Variants in HHIPL1 observed in about 807,000 individuals in gnomAD.
The protein encoded by HHIPL1 is HHIP like 1.
HHIPL1 carries 43 observed loss-of-function variants against 61.8 expected under a neutral mutation model. The observed-to-expected ratio is 0.70, with a 90% CI of 0.55 to 0.90. HHIPL1 has a LOEUF of 0.90. Ranked by LOEUF, HHIPL1 falls within the 40% of genes least tolerant of loss-of-function variation. The probability of loss-of-function intolerance (pLI) is 0.00; values close to 1 mark genes in which losing one functional copy is unlikely to be tolerated. For missense variants in HHIPL1, 1,056 were observed against 1,157.7 expected (o/e 0.91, Z 1.28); for synonymous variants, 482 against 515.8 (o/e 0.93, Z 0.89).
At chr14:99,649,077 A>G (rs1224914991) in intron 1 of HHIPL1, among the ~76,000 whole-genome samples, 34 of 152,092 alleles carry the variant, frequency 2.2e-4, no homozygotes, top group Admixed American at 1.8e-3. Context: ...AGCAATCACT[A>G]TGTCTTCTTG....
upstream of HHIPL1, among the ~76,000 whole-genome samples, chr14:99,641,327 G>C (rs2055748707): frequency 6.6e-6 from 1 of 151,692 alleles, no homozygotes; most frequent in Non-Finnish European, 1.5e-5. Context: ...AGACTTCTAG[G>C]TTGATGGGTT....
At position 99,657,888 on chromosome 14, in the gene HHIPL1, C is replaced by T. The variant is rs994542041; in HGVS notation, c.1046+745C>T. On this transcript the variant is annotated intron_variant, in intron 3 of 8. Coordinates refer to ENST00000330710, the MANE Select transcript of HHIPL1 (RefSeq NM_001127258.3). ...ACACATATACACACACATCCACACA[C>T]ATCCACATACATCCACATGTACACA... Among the ~76,000 whole-genome samples the T allele has an allele frequency of 4.0e-5, 6 of 151,780 alleles. No individual in the cohort carries two copies. The South Asian group carries it at 1.0e-3, about 26-fold the overall frequency.
rs140546525 is a variant in HHIPL1, at chr14:99,660,334, G to A, written c.1430G>A (p.Gly477Glu). The change falls in exon 5 of 9, where the codon GGG becomes GAG. Residue 477 changes from glycine (G) to glutamate (E), a missense_variant. Gly to Glu is a moderately conservative substitution (Grantham distance 98). Coordinates refer to ENST00000330710, the MANE Select transcript of HHIPL1 (RefSeq NM_001127258.3). The surrounding 1 kb of genome is among the most constrained non-coding windows in gnomAD (Gnocchi z 4.9). Reference protein sequence around the residue: ...YPHTVGKSVTGGYVYRGCEYP... With the variant: ...YPHTVGKSVTEGYVYRGCEYP... Reference sequence around the variant, plus strand: ...CACACGGTTGGCAAGTCGGTCACAGGGGGCTACGTGTACCGGGGCTGCGAG... The same window carrying A: ...CACACGGTTGGCAAGTCGGTCACAGAGGGCTACGTGTACCGGGGCTGCGAG... The A allele has an allele frequency of 6.2e-7, 1 of 1,614,088 alleles. No individual in the cohort carries two copies. The highest frequency in any genetic ancestry group is 1.1e-5 in the South Asian group (1 of 91,076).
chr14:99,619,306 C>CA, the HHIPL1 span, among the ~76,000 whole-genome samples: 3 of 151,740 alleles, frequency 2.0e-5, no homozygotes, highest in African/African-American at 4.8e-5. Flanking sequence ...ACTAAAAATA[C>CA]AAAAAATTAG....
At chr14:99,619,461 C>CA in the HHIPL1 span, among the ~76,000 whole-genome samples, 997 of 106,656 alleles carry the variant, frequency 9.3e-3, 3 homozygotes, top group Middle Eastern at 0.019. Context: ...GACTCCATCT[C>CA]AAAAAAAAAA....
intron 5 of HHIPL1, among the ~76,000 whole-genome samples, chr14:99,661,586 G>C (rs1198097031): frequency 6.6e-6 from 1 of 152,022 alleles, no homozygotes; most frequent in Non-Finnish European, 1.5e-5. Context: ...TCCCACCTCA[G>C]CCTCCTGAAT....
At chr14:99,632,070 GC>G in the HHIPL1 span, among the ~76,000 whole-genome samples, 1 of 152,166 alleles carries the variant, frequency 6.6e-6, no homozygotes, top group Non-Finnish European at 1.5e-5. Context: ...CTAGCATCTG[GC>G]CCATCTACCA....
rs2056422391 is a variant in HHIPL1 at position 99,679,728 on chromosome 14, T to C, written c.*4102T>C. On this transcript the variant is annotated 3_prime_UTR_variant, in exon 9 of 9. Transcript: ENST00000330710. The stretch of plus-strand genomic sequence containing the variant: ...GCAGACGTGCATGGCACGTACACTC[T>C]AGGTTGCTTCCTAGACAGAAAGCTC... The C allele has an allele frequency of 6.6e-6, 1 of 152,224 alleles. No homozygotes were observed. The highest frequency in any genetic ancestry group is 1.5e-5 in the Non-Finnish European group (1 of 68,034). 9.4% of individuals were successfully genotyped at this position (152,224 alleles called of 1,614,324 possible).
intron 6 of HHIPL1, among the ~76,000 whole-genome samples, chr14:99,663,646 C>T (rs1396047411): frequency 6.6e-6 from 1 of 152,136 alleles, no homozygotes; most frequent in Non-Finnish European, 1.5e-5. Flanking sequence ...TTATTTTACC[C>T]AGCTCTTATT....
intron 1 of HHIPL1, among the ~76,000 whole-genome samples, chr14:99,651,991 C>T (rs926967256): frequency 6.6e-6 from 1 of 152,140 alleles, no homozygotes; most frequent in Non-Finnish European, 1.5e-5. Flanking sequence ...GTAGCTGCTG[C>T]TGTTGCTGCT....
the HHIPL1 span, among the ~76,000 whole-genome samples, chr14:99,610,980 C>T: frequency 6.6e-6 from 1 of 152,122 alleles, no homozygotes; most frequent in East Asian, 1.9e-4. Context: ...TGGCCTCCAC[C>T]CATTTGACGG....
rs71464624 is a variant in HHIPL1 at position 99,656,799 on chromosome 14, GAA to G, written c.903-199_903-198del. Among the ~76,000 whole-genome samples, 14 of 14,626 alleles carry G rather than the reference GAA, an allele frequency of 9.6e-4. 1 individual carries two copies. Among genetic ancestry groups the G allele is most frequent in the African/African-American group, 4.7e-3 (14 of 2,982 alleles). 9.6% of individuals were successfully genotyped at this position (14,626 alleles called of 152,430 possible). On this transcript the variant is annotated intron_variant, in intron 2 of 8. Coordinates refer to ENST00000330710, the MANE Select transcript of HHIPL1 (RefSeq NM_001127258.3). ...GCAAAAAGAAAAGAAAAGAAAGAAA[GAA>G]AGAAAGAAAGAAAGAAAGAAAGAAA...
chr14:99,645,527 G>C (rs2055818197), intron 1 of HHIPL1, 65 bp downstream of exon 1: 1 of 1,238,470 alleles, frequency 8.1e-7, no homozygotes, highest in Non-Finnish European at 1.0e-6. Flanking sequence ...AGCAGAGATC[G>C]GAACCCCGCG....
rs186605812 is a variant in HHIPL1 at position 99,674,383 on chromosome 14, C to T, written c.1814-708C>T. On this transcript the variant is annotated intron_variant, in intron 8 of 8. Coordinates refer to ENST00000330710, the MANE Select transcript of HHIPL1 (RefSeq NM_001127258.3). The stretch of plus-strand genomic sequence containing the variant: ...ATTCTGCAGAGACAAAGGAAATCAC[C>T]TGCCTCAGCTCCCTAGCACCGACTG... Among the ~76,000 whole-genome samples, 9 of 152,138 alleles carry T rather than the reference C, an allele frequency of 5.9e-5. No individual in the cohort carries two copies. In the East Asian group the frequency reaches 1.7e-3, roughly 29 times the overall value.
rs1327792601 is a variant in HHIPL1, at chr14:99,676,745, C to T, written c.*1119C>T. The T allele has an allele frequency of 6.6e-6, 1 of 152,282 alleles. No homozygotes were observed. The highest frequency in any genetic ancestry group is 1.5e-5 in the Non-Finnish European group (1 of 68,074). The allele number at this position is 152,282 out of a possible 1,614,324, so 9.4% of individuals were successfully genotyped here. On this transcript the variant is annotated 3_prime_UTR_variant, in exon 9 of 9. Transcript: ENST00000330710. ...GGGAACCAGGAGAAAGGGGTGAGGC[C>T]TCCCGCTTCCCACCTGCATCACAGG... is the stretch of plus-strand genomic sequence containing the variant.
chr14:99,647,667 G>A (rs926472064), intron 1 of HHIPL1, among the ~76,000 whole-genome samples: 14 of 152,358 alleles, frequency 9.2e-5, no homozygotes, highest in African/African-American at 3.4e-4. Context: ...GCCTCCTGGA[G>A]CATGCTGGCG....
In HHIPL1 at chr14:99,672,198, A is replaced by C. The variant is rs1205317542; in HGVS notation, c.1731-119A>C. The C allele has an allele frequency of 1.7e-5, 12 of 725,862 alleles. 1 individual carries two copies. In the East Asian group the frequency reaches 3.0e-4, roughly 18 times the overall value. The allele number at this position is 725,862 out of a possible 1,614,324, so 45.0% of individuals were successfully genotyped here. ...AAGCTGCAGGCCACACAGTAGGTGCATGGTGAATGGCCGCCTGTTACTATC... is the reference window on the plus strand; with the variant it reads ...AAGCTGCAGGCCACACAGTAGGTGCCTGGTGAATGGCCGCCTGTTACTATC... On this transcript the variant is annotated intron_variant, in intron 7 of 8. Transcript: ENST00000330710.
At chr14:99,624,090 T>C in the HHIPL1 span, among the ~76,000 whole-genome samples, 1 of 152,192 alleles carries the variant, frequency 6.6e-6, no homozygotes, top group Non-Finnish European at 1.5e-5. Context: ...TACTCATCCC[T>C]TCAGGTGAGA....
chr14:99,649,831 A>G (rs1440770662), intron 1 of HHIPL1, among the ~76,000 whole-genome samples: 1 of 151,996 alleles, frequency 6.6e-6, no homozygotes, highest in Non-Finnish European at 1.5e-5. Flanking sequence ...AGTGACAATG[A>G]CCCTACCTTG....
Sources: allele counts gnomAD v4.1 joint callset (sites outside exome capture counted in the v4.1 genomes callset), GRCh38; gene constraint gnomAD v4.1.1; non-coding constraint Gnocchi (gnomAD v3.1); transcripts MANE v1.5; gene names NCBI Gene and HGNC (gene_info 2026-07-23, HGNC 2026-07-21).